The following TMEM244 variants were observed in gnomAD, a reference collection of about 807,000 sequenced individuals.
The protein encoded by TMEM244 is putative transmembrane protein 244.
Under a neutral mutation model 15.8 loss-of-function variants are expected in TMEM244, and 13 were observed. The ratio of observed to expected loss-of-function variants is 0.82; its 90% CI spans 0.53 to 1.30. TMEM244 has a LOEUF of 1.30. Among genes scored for constraint, TMEM244 ranks in the 50% most tolerant of loss-of-function variants. The pLI, the probability that TMEM244 is intolerant of heterozygous loss-of-function variation, is 0.00. For synonymous variants in TMEM244, 45 were observed against 48.7 expected (o/e 0.92, Z 0.32); for missense variants, 161 against 144.9 (o/e 1.11, Z -0.57).
Position 129,845,849 on chromosome 6 carries a change from C to T in TMEM244, c.37G>A (p.Val13Ile), listed in dbSNP as rs1776554362. 6.2e-7 allele frequency: 1 copy of T among 1,611,378 alleles called. No individual in the cohort carries two copies. The highest frequency in any genetic ancestry group is 1.3e-5 in the African/African-American group (1 of 74,916). The change falls in exon 2 of 5, where the codon GTT becomes ATT. Residue 13 changes from valine (V) to isoleucine (I), a missense_variant. Coordinates refer to ENST00000368143, the MANE Select transcript of TMEM244 (RefSeq NM_001010876.2). ...ACACATAGAAGAAACTTCTGCAAAACAACCTGTGGAGAAAACAGGCATGAG... is the reference window on the plus strand; with the variant it reads ...ACACATAGAAGAAACTTCTGCAAAATAACCTGTGGAGAAAACAGGCATGAG... ...LQVRVAPSKV[V>I]LQKFLLCVIL...
intron 1 of TMEM244, among the ~76,000 whole-genome samples, chr6:129,856,797 A>G (rs1776718947): frequency 6.6e-6 from 1 of 151,976 alleles, no homozygotes; most frequent in Non-Finnish European, 1.5e-5. Flanking sequence ...TGTTATTTTT[A>G]TTGAGATTAT....
chr6:129,833,626 C>T (rs1317773135), intron 3 of TMEM244, 41 bp from the exon 4 acceptor site: 4 of 1,576,892 alleles, frequency 2.5e-6, no homozygotes, highest in Non-Finnish European at 3.4e-6. Flanking sequence ...AGGACTAGAG[C>T]AATGAACATT....
chr6:129,836,714 T>A (rs780648040), intron 3 of TMEM244, among the ~76,000 whole-genome samples: 1 of 151,866 alleles, frequency 6.6e-6, no homozygotes, highest in Non-Finnish European at 1.5e-5. Context: ...GAATAAACAG[T>A]GTGGAGATGA....
intron 1 of TMEM244, among the ~76,000 whole-genome samples, chr6:129,851,130 G>T (rs1338193687): frequency 1.3e-5 from 2 of 152,152 alleles, no homozygotes; most frequent in African/African-American, 4.8e-5. Context: ...GACAAAGAGA[G>T]ATTAAGGAAC....
intron 1 of TMEM244, among the ~76,000 whole-genome samples, chr6:129,855,876 C>G (rs1776698590): frequency 6.6e-6 from 1 of 152,098 alleles, no homozygotes; most frequent in South Asian, 2.1e-4. Flanking sequence ...TGGGGTGACA[C>G]TTGAGACTAT....
intron 2 of TMEM244, among the ~76,000 whole-genome samples, chr6:129,843,809 C>T (rs566406643): frequency 1.6e-3 from 247 of 152,278 alleles, no homozygotes; most frequent in African/African-American, 5.8e-3. Context: ...TCAAACATCT[C>T]ACTCTTCTTG....
intron 1 of TMEM244, among the ~76,000 whole-genome samples, chr6:129,850,000 C>T (rs566632800): frequency 2.0e-5 from 3 of 152,254 alleles, no homozygotes; most frequent in South Asian, 2.1e-4. Context: ...TCATTTAATC[C>T]TTATAAAACT....
chr6:129,835,411 A>C (rs912892202), intron 3 of TMEM244, among the ~76,000 whole-genome samples: 14 of 150,372 alleles, frequency 9.3e-5, no homozygotes, highest in Non-Finnish European at 1.8e-4. Flanking sequence ...TCTTAAAAAA[A>C]AAAAAAAAGA....
At chr6:129,835,490 G>A (rs1013778965) in intron 3 of TMEM244, among the ~76,000 whole-genome samples, 3 of 151,882 alleles carry the variant, frequency 2.0e-5, no homozygotes, top group East Asian at 3.9e-4. Context: ...TGAGATCGAC[G>A]CAGAAGATGG....
chr6:129,835,177 C>T lies in TMEM244; in HGVS notation c.194-1592G>A, dbSNP rs1776386109. The stretch of plus-strand genomic sequence containing the variant: ...TTGGGAGGCCGAGGTGGGAGCATCA[C>T]TTGAAGCTAGGAGTTCAAGGCCACA... On this transcript the variant is annotated intron_variant, in intron 3 of 4. Coordinates refer to ENST00000368143, the MANE Select transcript of TMEM244 (RefSeq NM_001010876.2). Among the ~76,000 whole-genome samples the T allele has an allele frequency of 2.0e-5, 3 of 152,122 alleles. No homozygotes were observed. The South Asian group carries it at 6.2e-4, about 31-fold the overall frequency.
chr6:129,832,889 C>T (rs996549936), intron 4 of TMEM244, among the ~76,000 whole-genome samples: 6 of 152,128 alleles, frequency 3.9e-5, no homozygotes, highest in South Asian at 2.1e-4. Context: ...GTCCGTGCAT[C>T]CCCCGAGTCT....
intron 1 of TMEM244, among the ~76,000 whole-genome samples, chr6:129,859,014 C>T (rs1321062677): frequency 6.6e-6 from 1 of 152,148 alleles, no homozygotes; most frequent in African/African-American, 2.4e-5. Flanking sequence ...AGGCTGGTAT[C>T]GAACTCCTGA....
At chr6:129,846,092 A>G (rs1438621037) in intron 1 of TMEM244, among the ~76,000 whole-genome samples, 1 of 152,188 alleles carries the variant, frequency 6.6e-6, no homozygotes, top group Non-Finnish European at 1.5e-5. Context: ...ATGTATTGAA[A>G]TCAATTAGTT....
chr6:129,843,303 A>T (rs1337539758), intron 3 of TMEM244, among the ~76,000 whole-genome samples: 1 of 152,170 alleles, frequency 6.6e-6, no homozygotes. Flanking sequence ...AAATTTATAT[A>T]GGAATTCTCA....
chr6:129,831,452 C>T lies in TMEM244; in HGVS notation c.320-66G>A, dbSNP rs528425649. 59 of 1,131,462 alleles carry T rather than the reference C, an allele frequency of 5.2e-5. No homozygotes were observed. In the Admixed American group the frequency reaches 5.5e-4, roughly 11 times the overall value. 70.1% of individuals were successfully genotyped at this position (1,131,462 alleles called of 1,614,324 possible). ...TTTATATTTTGCTCAAGAAGAAATA[C>T]GTCTGTTTGGTCAAATTATATCCAC... is the stretch of plus-strand genomic sequence containing the variant. On this transcript the variant is annotated intron_variant, in intron 4 of 4. Coordinates refer to ENST00000368143, the MANE Select transcript of TMEM244 (RefSeq NM_001010876.2).
chr6:129,845,955 G>C (rs1776555428), intron 1 of TMEM244, 103 bp from the exon 2 acceptor site: 1 of 776,438 alleles, frequency 1.3e-6, no homozygotes, highest in Non-Finnish European at 2.1e-6. Context: ...GATAGTGTTG[G>C]CTAGCCTTGT....
At chr6:129,856,025 AAG>A (rs1447202386) in intron 1 of TMEM244, among the ~76,000 whole-genome samples, 2 of 151,984 alleles carry the variant, frequency 1.3e-5, no homozygotes, top group Non-Finnish European at 2.9e-5. Context: ...TTCTTCCATA[AAG>A]AGATTTCCTT....
chr6:129,847,864 T>A (rs1378943605), intron 1 of TMEM244, among the ~76,000 whole-genome samples: 1 of 151,072 alleles, frequency 6.6e-6, no homozygotes, highest in Non-Finnish European at 1.5e-5. Context: ...AAACTCGGTC[T>A]CCCGGGTTCA....
At chr6:129,845,001 A>G (rs1427827231) in intron 2 of TMEM244, among the ~76,000 whole-genome samples, 1 of 152,232 alleles carries the variant, frequency 6.6e-6, no homozygotes, top group African/African-American at 2.4e-5. Context: ...GGCAGCCAAA[A>G]TCTGTAGAGA....
Sources: gnomAD v4.1 joint callset for allele counts (sites outside exome capture counted in the v4.1 genomes callset) on GRCh38, gnomAD v4.1.1 for gene constraint, MANE v1.5 for transcripts, NCBI Gene and HGNC (gene_info 2026-07-23, HGNC 2026-07-21) for gene names.